Variants in SNRK observed in about 807,000 individuals in gnomAD.
SNRK encodes the protein SNF-related serine/threonine-protein kinase.
Under a neutral mutation model 48.2 loss-of-function variants are expected in SNRK, and 3 were observed. That is an observed-to-expected ratio of 0.06 (90% CI 0.03 to 0.16). The LOEUF (loss-of-function observed/expected upper bound fraction) is 0.16. Among genes scored for constraint, SNRK ranks in the 10% least tolerant of loss-of-function variants. The probability of loss-of-function intolerance (pLI) is 1.00; values close to 1 mark genes in which losing one functional copy is unlikely to be tolerated. For synonymous variants in SNRK, 376 were observed against 366.1 expected, an observed-to-expected ratio of 1.03 and a Z score of -0.31; for missense variants, 627 against 976.0, an observed-to-expected ratio of 0.64 and a Z score of 4.76.
rs2125651489 is a variant in SNRK at position 43,347,949 on chromosome 3, T to A, written c.1690T>A (p.Trp564Arg). The A allele has an allele frequency of 1.2e-6, 2 of 1,614,064 alleles. No individual in the cohort carries two copies. The highest frequency in any genetic ancestry group is 4.5e-5 in the East Asian group (2 of 44,860). ...LDKDSGFTYS[W>R]HRRDSSEGPP... ...TAAAGATAGCGGGTTCACCTACTCC[T>A]GGCACCGACGGGATAGCAGCGAGGG... The change falls in exon 7 of 7, where the codon TGG becomes AGG. Residue 564 changes from tryptophan to arginine, a missense_variant. Trp to Arg is a moderately radical substitution (Grantham distance 101, BLOSUM62 -3). Coordinates refer to ENST00000296088, the MANE Select transcript of SNRK (RefSeq NM_017719.5). This position sits in a 1 kb window ranked among gnomAD's most constrained non-coding sequence, Gnocchi z 5.4.
chr3:43,307,693 C>A (rs1367857980), intron 3 of SNRK, among the ~76,000 whole-genome samples: 1 of 152,138 alleles, frequency 6.6e-6, no homozygotes, highest in African/African-American at 2.4e-5. Context: ...CCATCTCTCT[C>A]TCTCTCTGTC....
At chr3:43,311,276 T>C (rs2090977141) in intron 3 of SNRK, among the ~76,000 whole-genome samples, 1 of 152,140 alleles carries the variant, frequency 6.6e-6, no homozygotes, top group African/African-American at 2.4e-5. Context: ...ATCCTTCTAA[T>C]GGTTGTCTGG....
chr3:43,318,653 A>T (rs951906402), intron 3 of SNRK, among the ~76,000 whole-genome samples: 9 of 152,234 alleles, frequency 5.9e-5, no homozygotes, highest in East Asian at 3.9e-4. Context: ...TTCTAACACA[A>T]ATTTGGAATT....
intron 4 of SNRK, chr3:43,332,569 C>CT (rs1315270546): frequency 3.9e-6 from 1 of 255,580 alleles, no homozygotes; most frequent in Non-Finnish European, 7.3e-6. Flanking sequence ...TTCAAGAAAT[C>CT]TATTACATGC....
At chr3:43,292,612 A>C (rs1442321800) in intron 1 of SNRK, among the ~76,000 whole-genome samples, 1 of 152,162 alleles carries the variant, frequency 6.6e-6, no homozygotes, top group East Asian at 1.9e-4. Context: ...TCCACTCCCA[A>C]ATCATCACTT....
rs1201381050 is a variant in SNRK, at chr3:43,303,014, GA to G, written c.-106-77del. 2.2e-6 allele frequency: 1 copy of G among 458,516 alleles called. No individual in the cohort carries two copies. Among genetic ancestry groups the G allele is most frequent in the South Asian group, 5.7e-5 (1 of 17,540 alleles). The allele number at this position is 458,516 out of a possible 1,614,324, so 28.4% of individuals were successfully genotyped here. A position where few individuals can be genotyped will look rare whatever the true frequency, so the allele number is the denominator to read the frequency against. On this transcript the variant is annotated intron_variant, in intron 2 of 6. Coordinates refer to ENST00000296088, the MANE Select transcript of SNRK (RefSeq NM_017719.5). This position sits in a 1 kb window ranked among gnomAD's most constrained non-coding sequence, Gnocchi z 6.2. ...ATTTTCTTCAAGTTTCTCTTAAAAT[GA>G]AAAAAACAAAAAATGAAGTGATTTT...
chr3:43,323,168 G>T (rs953484269), intron 3 of SNRK, among the ~76,000 whole-genome samples: 1 of 151,898 alleles, frequency 6.6e-6, no homozygotes. Context: ...AGTACCTCAC[G>T]CCATGTGTAA....
intron 3 of SNRK, among the ~76,000 whole-genome samples, chr3:43,325,363 C>T (rs547497653): frequency 6.6e-6 from 1 of 152,060 alleles, no homozygotes; most frequent in African/African-American, 2.4e-5. Context: ...GACAGGATTT[C>T]ACTGTGTTAG....
At chr3:43,316,659 A>C (rs949893568) in intron 3 of SNRK, among the ~76,000 whole-genome samples, 3 of 149,398 alleles carry the variant, frequency 2.0e-5, no homozygotes, top group African/African-American at 7.4e-5. Flanking sequence ...ATTTTTAACC[A>C]CTCTCTGCTC....
chr3:43,336,309 T>A (rs2125642410), intron 4 of SNRK, among the ~76,000 whole-genome samples: 1 of 97,946 alleles, frequency 1.0e-5, no homozygotes, highest in Middle Eastern at 7.4e-3. Context: ...CCTTGCTCTC[T>A]CCCTCTGTCC....
chr3:43,287,381 G>A (rs1468336375), intron 1 of SNRK, among the ~76,000 whole-genome samples: 3 of 152,314 alleles, frequency 2.0e-5, no homozygotes, highest in Non-Finnish European at 4.4e-5. Context: ...TTGCAGGAAA[G>A]TGGCAGCCTT....
chr3:43,342,498 T>G (rs2091244847), intron 5 of SNRK, among the ~76,000 whole-genome samples: 2 of 152,376 alleles, frequency 1.3e-5, no homozygotes, highest in South Asian at 4.1e-4. Flanking sequence ...CCCCCATTAG[T>G]TGTGACCCCA....
At chr3:43,345,507 G>A (rs1391189671) in intron 6 of SNRK, among the ~76,000 whole-genome samples, 2 of 152,174 alleles carry the variant, frequency 1.3e-5, no homozygotes, top group Admixed American at 6.5e-5. Context: ...TGAGATGAGT[G>A]GTTAACAGGA....
chr3:43,314,328 G>A (rs1020659046), intron 3 of SNRK, among the ~76,000 whole-genome samples: 13 of 152,140 alleles, frequency 8.5e-5, no homozygotes, highest in Non-Finnish European at 1.8e-4. Context: ...AATCCAGTAT[G>A]CATTTAAAAA....
chr3:43,300,567 C>T (rs1227607122), intron 2 of SNRK, among the ~76,000 whole-genome samples: 2 of 151,834 alleles, frequency 1.3e-5, no homozygotes, highest in South Asian at 2.1e-4. Context: ...AATTATTGCC[C>T]TTGTAATTAA....
chr3:43,325,257 C>G (rs190788004), intron 3 of SNRK, among the ~76,000 whole-genome samples: 1 of 152,190 alleles, frequency 6.6e-6, no homozygotes, highest in South Asian at 2.1e-4. Flanking sequence ...GCTCTGCCTC[C>G]CGGGTTCACA....
intron 3 of SNRK, among the ~76,000 whole-genome samples, chr3:43,327,337 T>C (rs1216598352): frequency 6.6e-6 from 1 of 152,192 alleles, no homozygotes; most frequent in Admixed American, 6.5e-5. Flanking sequence ...TCTACATTAG[T>C]GTTAGGTCAT....
intron 1 of SNRK, among the ~76,000 whole-genome samples, chr3:43,287,640 G>C (rs1158607310): frequency 6.6e-6 from 1 of 152,164 alleles, no homozygotes; most frequent in East Asian, 1.9e-4. Flanking sequence ...CATTTTGTCA[G>C]GTTTTAAGGT....
chr3:43,313,675 A>G (rs1435598170), intron 3 of SNRK, among the ~76,000 whole-genome samples: 1 of 152,184 alleles, frequency 6.6e-6, no homozygotes, highest in Non-Finnish European at 1.5e-5. Flanking sequence ...ACAAATAAAT[A>G]CATGTGAAAT....
Sources: allele counts gnomAD v4.1 joint callset (sites outside exome capture counted in the v4.1 genomes callset), GRCh38; gene constraint gnomAD v4.1.1; non-coding constraint Gnocchi (gnomAD v3.1); transcripts MANE v1.5; gene names NCBI Gene and HGNC (gene_info 2026-07-23, HGNC 2026-07-21).